Variants in F5 observed in about 807,000 individuals in gnomAD.
The protein encoded by F5 is activated protein c cofactor.
Under a neutral mutation model 216.4 loss-of-function variants are expected in F5, and 138 were observed. That is an observed-to-expected ratio of 0.64 (90% CI 0.56 to 0.73). The LOEUF (loss-of-function observed/expected upper bound fraction) is 0.73. Among genes scored for constraint, F5 ranks in the 30% least tolerant of loss-of-function variants. The probability of loss-of-function intolerance (pLI) is 0.00; values close to 1 mark genes in which losing one functional copy is unlikely to be tolerated. For synonymous variants in F5, 916 were observed against 930.7 expected (o/e 0.98, Z 0.29); for missense variants, 2,403 against 2,674.0 (o/e 0.90, Z 2.24).
chr1:169,529,498 G>A, intron 16 of F5, 110 bp downstream of exon 16: 1 of 986,870 alleles, frequency 1.0e-6, no homozygotes. Flanking sequence ...TTGTAGCTCT[G>A]GGTGTCTCAG....
Position 169,542,151 on chromosome 1 carries a change from C to G in F5, c.2939G>C (p.Arg980Pro). 6.2e-7 allele frequency: 1 copy of G among 1,614,044 alleles called. No individual in the cohort carries two copies. Among genetic ancestry groups the G allele is most frequent in the Non-Finnish European group, 8.5e-7 (1 of 1,179,988 alleles). ...NWLISPQNAS[R>P]AWGESTPLAN... ...AAGAGGGGTGCTTTCTCCCCAAGCA[C>G]GTGAGGCATTCTGGGGGCTGATCAG... Residue 980 changes from arginine (R) to proline (P), a missense_variant, in exon 13 of 25, where the codon CGT becomes CCT. This residue lies in a region of F5 where 1,425 missense variants were observed against 1,554.8 expected (regional missense o/e 0.92). Transcript: ENST00000367797.
intron 3 of F5, among the ~76,000 whole-genome samples, chr1:169,563,672 C>A (rs1660533271): frequency 6.6e-6 from 1 of 151,224 alleles, no homozygotes. Context: ...TATTTTTTAC[C>A]TTTCTTTTCT....
At chr1:169,532,750 A>G (rs1659618882) in intron 14 of F5, among the ~76,000 whole-genome samples, 1 of 151,692 alleles carries the variant, frequency 6.6e-6, no homozygotes, top group South Asian at 2.1e-4. Context: ...ATGGAAAAAC[A>G]TTCTATGCTT....
Position 169,541,352 on chromosome 1 carries a change from A to G in F5, c.3738T>C (p.His1246=), listed in dbSNP as rs764762346. ...SHTTLSPDLS[H]TTLSLDLSQT... is the part of the protein sequence containing the mutation. Reference sequence around the variant, plus strand: ...GGCTGAGGTCTAAAGAAAGGGTTGTATGGCTGAGGTCTGGAGAAAGGGTTG... The same window carrying G: ...GGCTGAGGTCTAAAGAAAGGGTTGTGTGGCTGAGGTCTGGAGAAAGGGTTG... Residue 1246 remains histidine (H), a synonymous_variant, in exon 13 of 25, where the codon CAT becomes CAC. Coordinates refer to ENST00000367797, the MANE Select transcript of F5 (RefSeq NM_000130.5). 2 of 1,543,302 alleles carry G rather than the reference A, an allele frequency of 1.3e-6. No homozygotes were observed. The highest frequency in any genetic ancestry group is 1.8e-5 in the Admixed American group (1 of 54,952).
At position 169,541,817 on chromosome 1, in the gene F5, A is replaced by G; in HGVS notation, c.3273T>C (p.Phe1091=). Residue 1091 remains phenylalanine, a synonymous_variant, in exon 13 of 25, where the codon TTT becomes TTC. Coordinates refer to ENST00000367797, the MANE Select transcript of F5 (RefSeq NM_000130.5). ...DLNQTLPSMD[F]GWIASLPDHN... is the part of the protein sequence containing the mutation. ...GGTCAGGAAGTGAGGCTATCCAGCC[A>G]AAATCCATAGAGGGCAATGTCTGAT... 1 of 1,614,130 alleles carries G rather than the reference A, an allele frequency of 6.2e-7. No individual in the cohort carries two copies. Among genetic ancestry groups the G allele is most frequent in the Admixed American group, 1.7e-5 (1 of 60,010 alleles).
chr1:169,529,762 T>C lies in F5; in HGVS notation c.5265A>G (p.Ile1755Met), dbSNP rs41272455. ...IGPLLICQKG[I>M]LHKDSNMPMD... Reference sequence around the variant, plus strand: ...TAGGCATGTTGCTGTCCTTATGTAGTATTCCTTTTTGGCAGATTAGGAGGG... The same window carrying C: ...TAGGCATGTTGCTGTCCTTATGTAGCATTCCTTTTTGGCAGATTAGGAGGG... Residue 1755 changes from isoleucine (I) to methionine (M), a missense_variant, in exon 16 of 25, where the codon ATA becomes ATG. Physicochemically the swap from Ile to Met is conservative, Grantham distance 10 (BLOSUM62 1). Around this residue, in one of 4 missense-constraint regions of F5, gnomAD observed 659 missense variants for 787.9 expected, o/e 0.84. Coordinates refer to ENST00000367797, the MANE Select transcript of F5 (RefSeq NM_000130.5). 1,719 of 1,613,788 alleles carry C rather than the reference T, an allele frequency of 1.1e-3. 1 individual carries two copies. Among genetic ancestry groups the C allele is most frequent in the Non-Finnish European group, 1.2e-3 (1,417 of 1,179,766 alleles).
At chr1:169,556,483 G>C (rs111293748) in intron 6 of F5, among the ~76,000 whole-genome samples, 163 bp downstream of exon 6, 7 of 132,330 alleles carry the variant, frequency 5.3e-5, no homozygotes, top group Admixed American at 1.6e-4. Flanking sequence ...CAAAGAGCAA[G>C]TTATAAATCT....
At chr1:169,514,555 C>T (rs1164822575) in intron 24 of F5, 96 bp from the exon 25 acceptor site, 78 of 1,062,826 alleles carry the variant, frequency 7.3e-5, no homozygotes, top group Non-Finnish European at 1.0e-4. Context: ...TTCTGTTGCC[C>T]AGGCTTGAGT....
rs1659866286 is a variant in F5, at chr1:169,542,012, G to A, written c.3078C>T (p.Leu1026=). The change falls in exon 13 of 25, where the codon CTC becomes CTT. Residue 1026 remains leucine, a synonymous_variant. Coordinates refer to ENST00000367797, the MANE Select transcript of F5 (RefSeq NM_000130.5). ...GKSRLKKSQF[L]IKTRKKKKEK... is the part of the protein sequence containing the mutation. Reference sequence around the variant, plus strand: ...CTTTTTTCTTTTTTCGTGTCTTAATGAGAAACTGGCTTTTCTTCAGTCTAC... The same window carrying A: ...CTTTTTTCTTTTTTCGTGTCTTAATAAGAAACTGGCTTTTCTTCAGTCTAC... The A allele has an allele frequency of 6.2e-7, 1 of 1,613,846 alleles. No homozygotes were observed. The highest frequency in any genetic ancestry group is 8.5e-7 in the Non-Finnish European group (1 of 1,179,998).
chr1:169,519,113 G>A (rs1427527703), intron 22 of F5, among the ~76,000 whole-genome samples: 2 of 152,106 alleles, frequency 1.3e-5, no homozygotes, highest in Non-Finnish European at 2.9e-5. Context: ...AGGCAGCAAG[G>A]CAGACCTGTG....
chr1:169,557,445 A>G (rs1476081058), intron 5 of F5, among the ~76,000 whole-genome samples: 2 of 152,132 alleles, frequency 1.3e-5, no homozygotes, highest in Non-Finnish European at 2.9e-5. Context: ...TTACTTTTTG[A>G]TTGTTTTAAT....
intron 4 of F5, among the ~76,000 whole-genome samples, chr1:169,559,502 C>T (rs1419360642): frequency 6.6e-6 from 1 of 152,084 alleles, no homozygotes; most frequent in Non-Finnish European, 1.5e-5. Flanking sequence ...TCTTTGATAC[C>T]TTCTTGCTTT....
chr1:169,565,529 G>A (rs937515176), intron 3 of F5, among the ~76,000 whole-genome samples: 2 of 152,074 alleles, frequency 1.3e-5, no homozygotes, highest in South Asian at 2.1e-4. Flanking sequence ...ATGGCTGTGT[G>A]TTGTTATGAT....
intron 5 of F5, among the ~76,000 whole-genome samples, chr1:169,557,882 T>C (rs1660369662): frequency 6.6e-6 from 1 of 152,182 alleles, no homozygotes; most frequent in Non-Finnish European, 1.5e-5. Flanking sequence ...GCATTTATCA[T>C]ATGTATTCAA....
At chr1:169,558,644 T>C (rs984213521) in intron 5 of F5, among the ~76,000 whole-genome samples, 3 of 152,232 alleles carry the variant, frequency 2.0e-5, no homozygotes, top group African/African-American at 7.2e-5. Context: ...TAACGATTGC[T>C]ATGATTTTGC....
intron 4 of F5, among the ~76,000 whole-genome samples, chr1:169,559,596 G>C (rs1660415854): frequency 6.6e-6 from 1 of 152,024 alleles, no homozygotes; most frequent in South Asian, 2.1e-4. Context: ...ATTTCCCCCA[G>C]TCTCAATAGA....
At chr1:169,517,801 A>G (rs895407838) in intron 23 of F5, among the ~76,000 whole-genome samples, 2 of 152,182 alleles carry the variant, frequency 1.3e-5, no homozygotes, top group African/African-American at 4.8e-5. Flanking sequence ...AAGCTCTTAA[A>G]ATAAGGAGGG....
chr1:169,562,299 T>A (rs1287277261), intron 3 of F5, among the ~76,000 whole-genome samples: 2 of 152,112 alleles, frequency 1.3e-5, no homozygotes, highest in African/African-American at 4.8e-5. Flanking sequence ...CCCTTTTGTG[T>A]TGGATTAGTG....
chr1:169,572,429 C>T, intron 2 of F5, 86 bp from the exon 3 acceptor site: 1 of 1,502,374 alleles, frequency 6.7e-7, no homozygotes, highest in Non-Finnish European at 9.2e-7. Flanking sequence ...CAGATGATAC[C>T]AAGAGTGATT....
Sources: allele counts gnomAD v4.1 joint callset (sites outside exome capture counted in the v4.1 genomes callset), GRCh38; gene constraint gnomAD v4.1.1; regional missense constraint gnomAD v4.1.1; transcripts MANE v1.5; gene names NCBI Gene and HGNC (gene_info 2026-07-23, HGNC 2026-07-21).